Variants in COMMD10 observed in about 807,000 individuals in gnomAD.
The protein encoded by COMMD10 is COMM domain containing 10.
COMMD10 carries 33 observed loss-of-function variants against 28.9 expected under a neutral mutation model. That is an observed-to-expected ratio of 1.14 (90% CI 0.87 to 1.53). The LOEUF is 1.53. COMMD10 is among the 40% of genes most tolerant of loss of function. The probability of loss-of-function intolerance (pLI) is 0.00; values close to 1 mark genes in which losing one functional copy is unlikely to be tolerated. For synonymous variants in COMMD10, 110 were observed against 81.7 expected, an observed-to-expected ratio of 1.35 and a Z score of -1.87; for missense variants, 310 against 233.4, an observed-to-expected ratio of 1.33 and a Z score of -2.14.
At chr5:116,271,025 G>T (rs1750739222) in intron 5 of COMMD10, among the ~76,000 whole-genome samples, 1 of 151,482 alleles carries the variant, frequency 6.6e-6, no homozygotes, top group Admixed American at 6.6e-5. Context: ...ATTGGGGCAG[G>T]AAATCACAGG....
At chr5:116,146,822 G>A (rs1752365687) in intron 5 of COMMD10, among the ~76,000 whole-genome samples, 1 of 151,678 alleles carries the variant, frequency 6.6e-6, no homozygotes, top group African/African-American at 2.4e-5. Context: ...GGCACTTTTG[G>A]CTGTTTTGAT....
intron 5 of COMMD10, among the ~76,000 whole-genome samples, chr5:116,277,479 ATATCT>A (rs1446981397): frequency 6.6e-6 from 1 of 151,908 alleles, no homozygotes; most frequent in Non-Finnish European, 1.5e-5. Flanking sequence ...AATTAACCAC[ATATCT>A]TATCAAATTA....
chr5:116,160,886 T>G (rs898789828), intron 5 of COMMD10, among the ~76,000 whole-genome samples: 1 of 152,206 alleles, frequency 6.6e-6, no homozygotes, highest in Non-Finnish European at 1.5e-5. Context: ...CCTTGCCAGT[T>G]GGTGAACCTG....
chr5:116,219,477 A>G lies in COMMD10; in HGVS notation c.511-72040A>G, dbSNP rs113055034. On this transcript the variant is annotated intron_variant, in intron 5 of 6. Transcript: ENST00000274458. Reference sequence around the variant, plus strand: ...ACAATAATAAATGTCCTTATAAGAGAGAGGCAGAGGGAGATTTGACACAGA... The same window carrying G: ...ACAATAATAAATGTCCTTATAAGAGGGAGGCAGAGGGAGATTTGACACAGA... Among the ~76,000 whole-genome samples, 317 of 152,216 alleles carry G rather than the reference A, an allele frequency of 2.1e-3. 3 individuals are homozygous for G. The highest frequency in any genetic ancestry group is 7.2e-3 in the African/African-American group (299 of 41,516).
At chr5:116,158,930 C>G (rs2174997) in intron 5 of COMMD10, among the ~76,000 whole-genome samples, 1 of 149,870 alleles carries the variant, frequency 6.7e-6, no homozygotes, top group Admixed American at 6.6e-5. Context: ...GTGCTAACAT[C>G]TTTTTCAGTC....
chr5:116,195,571 A>G (rs765593055), intron 5 of COMMD10, among the ~76,000 whole-genome samples: 14 of 152,160 alleles, frequency 9.2e-5, no homozygotes, highest in South Asian at 2.1e-4. Flanking sequence ...GCAAAAAATA[A>G]ATAAGTAAGA....
At position 116,256,554 on chromosome 5, in the gene COMMD10, G is replaced by A. The variant is rs1002408000; in HGVS notation, c.511-34963G>A. On this transcript the variant is annotated intron_variant, in intron 5 of 6. Coordinates refer to ENST00000274458, the MANE Select transcript of COMMD10 (RefSeq NM_016144.4). ...AAGGATGGGCATTTTTCTCATCTCC[G>A]TCTTTGGCATTTGAAACAGTATACA... Among the ~76,000 whole-genome samples the A allele has an allele frequency of 5.3e-5, 8 of 151,552 alleles. No individual in the cohort carries two copies. In the East Asian group the frequency reaches 1.2e-3, roughly 22 times the overall value.
chr5:116,220,609 A>T lies in COMMD10; in HGVS notation c.511-70908A>T, dbSNP rs1376639569. 6.6e-5 allele frequency among the ~76,000 whole-genome samples: 10 copies of T among 152,324 alleles called. No homozygotes were observed. The East Asian group carries it at 1.9e-3, about 29-fold the overall frequency. On this transcript the variant is annotated intron_variant, in intron 5 of 6. Coordinates refer to ENST00000274458, the MANE Select transcript of COMMD10 (RefSeq NM_016144.4). ...GATACATATGCAACCCAAGCATTGT[A>T]TAAACACTGGAAAAATAATATAACT... is the stretch of plus-strand genomic sequence containing the variant.
chr5:116,161,170 A>G (rs12520838), intron 5 of COMMD10, among the ~76,000 whole-genome samples: 15,659 of 152,102 alleles, frequency 0.1, 883 homozygotes, highest in Admixed American at 0.14. Flanking sequence ...TCTGAAAACT[A>G]CTGATTATGT....
intron 4 of COMMD10, among the ~76,000 whole-genome samples, chr5:116,110,860 T>G (rs2112736334): frequency 6.6e-6 from 1 of 151,420 alleles, no homozygotes; most frequent in Non-Finnish European, 1.5e-5. Context: ...TTCACTATTG[T>G]GAGGACAATA....
intron 4 of COMMD10, among the ~76,000 whole-genome samples, chr5:116,131,464 A>C (rs1023317826): frequency 6.6e-6 from 1 of 151,914 alleles, no homozygotes; most frequent in Non-Finnish European, 1.5e-5. Flanking sequence ...TATTAGCTCT[A>C]TAGGTTGCAG....
chr5:116,256,307 G>T (rs1166741344), intron 5 of COMMD10, among the ~76,000 whole-genome samples: 3 of 151,596 alleles, frequency 2.0e-5, no homozygotes, highest in African/African-American at 7.3e-5. Context: ...TTCCTTTTGG[G>T]GTTGTTGAGT....
chr5:116,229,967 C>G (rs1051158723), intron 5 of COMMD10, among the ~76,000 whole-genome samples: 1 of 151,468 alleles, frequency 6.6e-6, no homozygotes, highest in East Asian at 1.9e-4. Flanking sequence ...TGAGCCCCCC[C>G]AAAAAAAAAT....
intron 5 of COMMD10, among the ~76,000 whole-genome samples, chr5:116,248,030 G>T (rs910248228): frequency 9.9e-5 from 15 of 151,286 alleles, no homozygotes; most frequent in African/African-American, 3.2e-4. Flanking sequence ...GTTGTACAAA[G>T]AATTACTGAC....
At chr5:116,200,254 C>CT (rs1363799748) in intron 5 of COMMD10, among the ~76,000 whole-genome samples, 1 of 152,164 alleles carries the variant, frequency 6.6e-6, no homozygotes, top group East Asian at 1.9e-4. Context: ...TCACTCCACC[C>CT]TTTTTGCTTG....
chr5:116,210,352 G>A (rs1015145059), intron 5 of COMMD10, among the ~76,000 whole-genome samples: 2 of 151,342 alleles, frequency 1.3e-5, no homozygotes, highest in African/African-American at 4.9e-5. Context: ...ATACACGCAA[G>A]CACACATATA....
At chr5:116,239,012 G>A (rs1190696402) in intron 5 of COMMD10, among the ~76,000 whole-genome samples, 1 of 151,506 alleles carries the variant, frequency 6.6e-6, no homozygotes. Context: ...GCATCAACAA[G>A]TTGATTTTTT....
chr5:116,159,303 C>G (rs1418904519), intron 5 of COMMD10, among the ~76,000 whole-genome samples: 1 of 152,156 alleles, frequency 6.6e-6, no homozygotes, highest in Non-Finnish European at 1.5e-5. Flanking sequence ...CTTGTTTTTC[C>G]TGACACTCCA....
intron 4 of COMMD10, among the ~76,000 whole-genome samples, chr5:116,094,360 C>T (rs537989530): frequency 2.0e-5 from 3 of 152,234 alleles, no homozygotes; most frequent in South Asian, 4.1e-4. Context: ...GACAAAGGAT[C>T]TAAACAAATG....
Sources: allele counts gnomAD v4.1 joint callset (sites outside exome capture counted in the v4.1 genomes callset), GRCh38; gene constraint gnomAD v4.1.1; transcripts MANE v1.5; gene names NCBI Gene and HGNC (gene_info 2026-07-23, HGNC 2026-07-21).